Variants in MAML2 observed in about 807,000 individuals in gnomAD.
MAML2 encodes the protein mastermind like transcriptional coactivator 2.
In MAML2, 22 loss-of-function variants were observed where a neutral mutation model predicts 96.1. That is an observed-to-expected ratio of 0.23 (90% CI 0.16 to 0.33). MAML2 has a LOEUF of 0.33. Ranked by LOEUF, MAML2 falls within the 10% of genes least tolerant of loss-of-function variation. The pLI is 1.00. For synonymous variants in MAML2, 561 were observed against 521.3 expected (o/e 1.08, Z -1.04); for missense variants, 1,367 against 1,392.4 (o/e 0.98, Z 0.29).
intron 1 of MAML2, among the ~76,000 whole-genome samples, chr11:96,158,886 T>C (rs765910289): frequency 7.2e-5 from 11 of 152,128 alleles, no homozygotes; most frequent in Admixed American, 1.3e-4. Context: ...TTGGGAGAAA[T>C]GGTAAATGGT....
intron 1 of MAML2, among the ~76,000 whole-genome samples, chr11:96,285,253 G>T (rs539418067): frequency 3.3e-5 from 5 of 152,108 alleles, no homozygotes; most frequent in Non-Finnish European, 7.4e-5. Context: ...CTTAGAATAT[G>T]AATCCCACGA....
At chr11:96,073,906 GT>G (rs1192796360) in intron 2 of MAML2, among the ~76,000 whole-genome samples, 1 of 152,046 alleles carries the variant, frequency 6.6e-6, no homozygotes, top group Admixed American at 6.5e-5. Flanking sequence ...TTCTGAATAA[GT>G]TTTTGTTTGC....
intron 1 of MAML2, among the ~76,000 whole-genome samples, chr11:96,229,506 T>C (rs576504257): frequency 6.7e-6 from 1 of 149,684 alleles, no homozygotes; most frequent in South Asian, 2.2e-4. Flanking sequence ...TCGTGTGTCA[T>C]GTTGTAAAGC....
At position 95,978,030 on chromosome 11, in the gene MAML2, G is replaced by A. The variant is rs1857674737; in HGVS notation, c.*918C>T. On this transcript the variant is annotated 3_prime_UTR_variant, in exon 5 of 5. Coordinates refer to ENST00000524717, the MANE Select transcript of MAML2 (RefSeq NM_032427.4). ...CATCAAAATGAGTAGGGAGGACGAG[G>A]TTCAATTTCACTCAGCTTGGGAACA... The A allele has an allele frequency of 9.1e-6, 2 of 219,182 alleles. No individual in the cohort carries two copies. Among genetic ancestry groups the A allele is most frequent in the Non-Finnish European group, 1.8e-5 (2 of 109,190 alleles). The allele number at this position is 219,182 out of a possible 1,614,324, so 13.6% of individuals were successfully genotyped here. A position where few individuals can be genotyped will look rare whatever the true frequency, so the allele number is the denominator to read the frequency against.
intron 1 of MAML2, among the ~76,000 whole-genome samples, chr11:96,321,621 TTA>T (rs1863701639): frequency 6.6e-6 from 1 of 152,198 alleles, no homozygotes; most frequent in African/African-American, 2.4e-5. Flanking sequence ...TCTACAGAAT[TTA>T]GAGTGTGCAG....
At chr11:96,296,546 G>C (rs139950149) in intron 1 of MAML2, among the ~76,000 whole-genome samples, 10 of 152,136 alleles carry the variant, frequency 6.6e-5, no homozygotes, top group African/African-American at 2.4e-4. Flanking sequence ...GGGAGGCTGA[G>C]GCAGGAGAAT....
chr11:96,289,882 A>G (rs1012939747), intron 1 of MAML2, among the ~76,000 whole-genome samples: 27 of 150,542 alleles, frequency 1.8e-4, no homozygotes, highest in African/African-American at 6.3e-4. Flanking sequence ...CCCACTTTTT[A>G]ATGTAAAACT....
At chr11:96,100,203 T>G (rs1399204450) in intron 1 of MAML2, among the ~76,000 whole-genome samples, 1 of 152,238 alleles carries the variant, frequency 6.6e-6, no homozygotes, top group Non-Finnish European at 1.5e-5. Context: ...CTTATGAATT[T>G]CAGTAACTCG....
At chr11:96,025,402 AG>A (rs1858500429) in intron 2 of MAML2, among the ~76,000 whole-genome samples, 1 of 151,994 alleles carries the variant, frequency 6.6e-6, no homozygotes, top group Admixed American at 6.6e-5. Context: ...CTACTGGGGG[AG>A]GGGGGAGGTG....
intron 1 of MAML2, among the ~76,000 whole-genome samples, chr11:96,222,176 G>T (rs1862149828): frequency 6.6e-6 from 1 of 152,160 alleles, no homozygotes; most frequent in East Asian, 1.9e-4. Context: ...TTGCAGACTG[G>T]AGGCTTACAA....
At chr11:96,150,716 C>T (rs960348159) in intron 1 of MAML2, among the ~76,000 whole-genome samples, 2 of 152,196 alleles carry the variant, frequency 1.3e-5, no homozygotes, top group African/African-American at 2.4e-5. Context: ...TTGACTGCCA[C>T]CAGATAGTCC....
intron 1 of MAML2, among the ~76,000 whole-genome samples, chr11:96,337,670 C>T (rs190973101): frequency 4.9e-4 from 75 of 152,272 alleles, no homozygotes; most frequent in African/African-American, 1.8e-3. Flanking sequence ...ATTTGAAATG[C>T]CAATCCCTCT....
chr11:96,318,601 G>A (rs963222339), intron 1 of MAML2, among the ~76,000 whole-genome samples: 1 of 152,136 alleles, frequency 6.6e-6, no homozygotes, highest in Non-Finnish European at 1.5e-5. Context: ...CTGAAACAAC[G>A]GTTTGATGTC....
At chr11:96,156,305 A>G (rs77920075) in intron 1 of MAML2, among the ~76,000 whole-genome samples, 2,110 of 152,236 alleles carry the variant, frequency 0.014, 52 homozygotes, top group African/African-American at 0.048. Context: ...CTCACACACC[A>G]GAGGTTCATG....
At chr11:95,992,008 A>G (rs983348762) in intron 2 of MAML2, among the ~76,000 whole-genome samples, 2 of 152,232 alleles carry the variant, frequency 1.3e-5, no homozygotes, top group African/African-American at 4.8e-5. Flanking sequence ...GGAACCTCAA[A>G]GAAAACTACC....
At chr11:96,337,232 C>G (rs1446289666) in intron 1 of MAML2, among the ~76,000 whole-genome samples, 1 of 151,996 alleles carries the variant, frequency 6.6e-6, no homozygotes, top group African/African-American at 2.4e-5. Context: ...AATATAAACA[C>G]TCCTATCACT....
At chr11:96,127,919 A>G (rs1050018478) in intron 1 of MAML2, among the ~76,000 whole-genome samples, 14 of 152,232 alleles carry the variant, frequency 9.2e-5, no homozygotes, top group East Asian at 1.9e-4. Flanking sequence ...TGGCATGTTC[A>G]AATCCAGTAA....
chr11:96,069,981 G>C (rs771276393), intron 2 of MAML2, among the ~76,000 whole-genome samples: 1 of 151,492 alleles, frequency 6.6e-6, no homozygotes, highest in African/African-American at 2.4e-5. Context: ...CCAAGATCAC[G>C]CCACTGTACT....
At chr11:96,025,702 T>C (rs1249628132) in intron 2 of MAML2, among the ~76,000 whole-genome samples, 4 of 152,110 alleles carry the variant, frequency 2.6e-5, no homozygotes, top group African/African-American at 9.7e-5. Flanking sequence ...TATAGGCATT[T>C]GCCACCATAC....
Sources: gnomAD v4.1 joint callset for allele counts (sites outside exome capture counted in the v4.1 genomes callset) on GRCh38, gnomAD v4.1.1 for gene constraint, MANE v1.5 for transcripts, NCBI Gene and HGNC (gene_info 2026-07-23, HGNC 2026-07-21) for gene names.